TTC23L: variants seen among roughly 807,000 people sequenced by gnomAD.
TTC23L encodes tetratricopeptide repeat domain 23 like, also known as tetratricopeptide repeat protein 23-like.
TTC23L carries 42 observed loss-of-function variants against 48.1 expected under a neutral mutation model. The observed-to-expected ratio is 0.87, with a 90% CI of 0.68 to 1.13. The LOEUF (loss-of-function observed/expected upper bound fraction) is 1.13. Ranked by LOEUF, TTC23L falls within the 50% of genes most tolerant of loss-of-function variation. The probability of loss-of-function intolerance (pLI) is 0.00; values close to 1 mark genes in which losing one functional copy is unlikely to be tolerated. For synonymous variants in TTC23L, 159 were observed against 157.2 expected, an observed-to-expected ratio of 1.01 and a Z score of -0.09; for missense variants, 391 against 421.0, an observed-to-expected ratio of 0.93 and a Z score of 0.62.
chr5:34,860,061 A>C (rs1483101030), intron 4 of TTC23L, among the ~76,000 whole-genome samples: 1 of 151,612 alleles, frequency 6.6e-6, no homozygotes, highest in Admixed American at 6.6e-5. Flanking sequence ...GTTAGCCAGG[A>C]TGGTCTTGAT....
At chr5:34,889,234 G>A (rs942678070) in intron 9 of TTC23L, among the ~76,000 whole-genome samples, 1 of 152,100 alleles carries the variant, frequency 6.6e-6, no homozygotes, top group African/African-American at 2.4e-5. Context: ...ACAAATACCC[G>A]GTGTGATAGC....
At chr5:34,892,515 T>A (rs1762935061) in intron 9 of TTC23L, among the ~76,000 whole-genome samples, 1 of 152,194 alleles carries the variant, frequency 6.6e-6, no homozygotes. Flanking sequence ...CTAGTATGTT[T>A]AAGATATAGT....
chr5:34,919,232 C>T, the TTC23L span, among the ~76,000 whole-genome samples: 1 of 141,974 alleles, frequency 7.0e-6, no homozygotes, highest in South Asian at 2.2e-4. Flanking sequence ...GCCGTGATTG[C>T]GCCACTACAT....
intron 2 of TTC23L, among the ~76,000 whole-genome samples, chr5:34,840,993 C>T (rs1758617231): frequency 6.6e-6 from 1 of 151,940 alleles, no homozygotes; most frequent in Admixed American, 6.6e-5. Flanking sequence ...TTGTGGTGGG[C>T]TGAGATTCCA....
chr5:34,880,266 T>C (rs759749154), exon 9 of TTC23L: 4 of 1,613,246 alleles, frequency 2.5e-6, no homozygotes, highest in Non-Finnish European at 3.4e-6. Flanking sequence ...TGAGCACCAC[T>C]GAAGAATTTT....
intron 8 of TTC23L, among the ~76,000 whole-genome samples, chr5:34,872,866 C>T (rs1761562043): frequency 6.6e-6 from 1 of 152,004 alleles, no homozygotes; most frequent in Non-Finnish European, 1.5e-5. Context: ...AGTTTGAGAC[C>T]AGCCTGGCCA....
chr5:34,921,268 CTT>C, the TTC23L span: 1 of 152,146 alleles, frequency 6.6e-6, no homozygotes, highest in African/African-American at 2.4e-5. Context: ...TCAAGTGTGA[CTT>C]TTGTAAGCCT....
In TTC23L at chr5:34,877,612, C is replaced by CAACAT. The variant is rs1761945818; in HGVS notation, c.950-2569_950-2568insAACAT. 8.6e-5 allele frequency among the ~76,000 whole-genome samples: 13 copies of CAACAT among 151,240 alleles called. 1 individual carries two copies. The South Asian group carries it at 2.7e-3, about 32-fold the overall frequency. On this transcript the variant is annotated intron_variant, in intron 8 of 10. Transcript: ENST00000505624. ...CTAATTTTTGTATTTTTAGTAGAGA[C>CAACAT]GGGGTTTCACCATGTTGGCCAGGCT... is the stretch of plus-strand genomic sequence containing the variant.
intron 8 of TTC23L, among the ~76,000 whole-genome samples, chr5:34,878,725 C>G (rs899675634): frequency 6.6e-6 from 1 of 152,136 alleles, no homozygotes; most frequent in Non-Finnish European, 1.5e-5. Context: ...GAAAAGGGAA[C>G]TCTCATACAC....
At chr5:34,856,829 C>T (rs72732816) in intron 4 of TTC23L, among the ~76,000 whole-genome samples, 1,728 of 152,234 alleles carry the variant, frequency 0.011, 15 homozygotes, top group Non-Finnish European at 0.016. Flanking sequence ...CAGTTGGATT[C>T]ATTTATTAGG....
At chr5:34,915,331 G>T in the TTC23L span, 1 of 250,218 alleles carries the variant, frequency 4.0e-6, no homozygotes, top group East Asian at 9.6e-5. Context: ...AATCCTCCAA[G>T]AGTCCCAGAC....
At chr5:34,876,987 A>T (rs543797924) in intron 8 of TTC23L, among the ~76,000 whole-genome samples, 25 of 151,712 alleles carry the variant, frequency 1.6e-4, no homozygotes, top group African/African-American at 6.1e-4. Flanking sequence ...AAAGTATAAT[A>T]AAAAAAAATT....
At chr5:34,852,802 G>C (rs1180447515) in intron 4 of TTC23L, among the ~76,000 whole-genome samples, 1 of 152,074 alleles carries the variant, frequency 6.6e-6, no homozygotes, top group Non-Finnish European at 1.5e-5. Flanking sequence ...AATTTATAAA[G>C]AAAAAGAGGT....
At chr5:34,898,243 C>T (rs576823993) in intron 10 of TTC23L, among the ~76,000 whole-genome samples, 3 of 152,156 alleles carry the variant, frequency 2.0e-5, no homozygotes, top group East Asian at 1.9e-4. Context: ...ACGAAGCAAA[C>T]GGAGATAGGG....
rs571232191 is a variant in TTC23L, at chr5:34,882,350, C to T, written c.1077+2042C>T. Among the ~76,000 whole-genome samples the T allele has an allele frequency of 1.0e-3, 157 of 152,258 alleles. 3 individuals are homozygous for T. The South Asian group carries it at 0.032, about 31-fold the overall frequency. On this transcript the variant is annotated intron_variant, in intron 9 of 10. Coordinates refer to ENST00000505624, the Ensembl canonical transcript of TTC23L. The stretch of plus-strand genomic sequence containing the variant: ...AACCATAAGCAGGACGGACTATGGA[C>T]AAGTCAGCTTTACCATTAGGAAGCA...
At chr5:34,905,034 C>T in the TTC23L span, among the ~76,000 whole-genome samples, 3 of 152,274 alleles carry the variant, frequency 2.0e-5, no homozygotes, top group Admixed American at 6.5e-5. Context: ...AATCTCTGGA[C>T]GTGACTGAGA....
intron 8 of TTC23L, among the ~76,000 whole-genome samples, chr5:34,874,576 A>C (rs369972243): frequency 6.8e-4 from 103 of 152,214 alleles, no homozygotes; most frequent in African/African-American, 2.4e-3. Context: ...CAACAAAAGG[A>C]GCTGGGTGCA....
At chr5:34,857,013 G>T (rs1448496552) in intron 4 of TTC23L, among the ~76,000 whole-genome samples, 1 of 152,190 alleles carries the variant, frequency 6.6e-6, no homozygotes, top group Non-Finnish European at 1.5e-5. Flanking sequence ...AGAAGAGAGG[G>T]TTTAAAGATG....
chr5:34,845,477 A>T lies in TTC23L; in HGVS notation c.69-10A>T. 6.2e-7 allele frequency: 1 copy of T among 1,608,850 alleles called. No individual in the cohort carries two copies. Among genetic ancestry groups the T allele is most frequent in the Non-Finnish European group, 8.5e-7 (1 of 1,178,376 alleles). On this transcript the variant is annotated splice_polypyrimidine_tract_variant and intron_variant, in intron 2 of 10. Transcript: ENST00000505624. ...TAAATCCTGAATCCTTGCCTCTCTC[A>T]TACCTACAGGTCACAGCAAACCGAG... is the stretch of plus-strand genomic sequence containing the variant.
Sources: gnomAD v4.1 joint callset for allele counts (sites outside exome capture counted in the v4.1 genomes callset) on GRCh38, gnomAD v4.1.1 for gene constraint, MANE v1.5 for transcripts, NCBI Gene and HGNC (gene_info 2026-07-23, HGNC 2026-07-21) for gene names.